The following SLC19A3 variants were observed in gnomAD, a reference collection of about 807,000 sequenced individuals.
SLC19A3 encodes the protein solute carrier family 19 member 3.
A neutral mutation model predicts 40.2 loss-of-function variants in SLC19A3; 31 were observed. The observed-to-expected ratio is 0.77, with a 90% CI of 0.58 to 1.04. The LOEUF (loss-of-function observed/expected upper bound fraction) is 1.04, where lower values mean the gene tolerates loss of function less well. Among genes scored for constraint, SLC19A3 ranks in the 50% least tolerant of loss-of-function variants. The pLI, the probability that SLC19A3 is intolerant of heterozygous loss-of-function variation, is 0.00. For synonymous variants in SLC19A3, 212 were observed against 227.5 expected, an observed-to-expected ratio of 0.93 and a Z score of 0.61; for missense variants, 592 against 596.7, an observed-to-expected ratio of 0.99 and a Z score of 0.08.
rs1695567958 is a variant in SLC19A3, at chr2:227,699,172, G to A, written c.543C>T (p.Ser181=). Residue 181 remains serine (S), a synonymous_variant, in exon 3 of 6, where the codon TCC becomes TCT. Transcript: ENST00000644224. ...YLNVISLASV[S]VAFLFSLFLP... is the part of the protein sequence containing the mutation. ...GGAAAAGTGAGAAAAGGAAAGCCAC[G>A]GAGACAGAGGCCAAGGATATGACGT... The A allele has an allele frequency of 2.5e-6, 4 of 1,614,176 alleles. No individual in the cohort carries two copies. Among genetic ancestry groups the A allele is most frequent in the Non-Finnish European group, 3.4e-6 (4 of 1,180,042 alleles).
intron 1 of SLC19A3, chr2:227,706,422 A>G: frequency 8.1e-7 from 1 of 1,231,020 alleles, no homozygotes; most frequent in Non-Finnish European, 1.0e-6. Flanking sequence ...ACCCATTATT[A>G]TAAGCTCTAT....
Position 227,702,290 on chromosome 2 carries a change from C to T in SLC19A3, c.29G>A (p.Ser10Asn), listed in dbSNP as rs748439898. 3 of 1,614,010 alleles carry T rather than the reference C, an allele frequency of 1.9e-6. No homozygotes were observed. In the South Asian group the frequency reaches 3.3e-5, roughly 18 times the overall value. Residue 10 changes from serine (S) to asparagine (N), a missense_variant, in exon 2 of 6, where the codon AGT (serine) becomes AAT (asparagine). Ser to Asn is a conservative substitution (Grantham distance 46). Transcript: ENST00000644224. ...GATCACAGTGGGGTAAATCCAGGAACTGCTTAGTGAAGTTCTGTAACAATC... is the reference window on the plus strand; with the variant it reads ...GATCACAGTGGGGTAAATCCAGGAATTGCTTAGTGAAGTTCTGTAACAATC... MDCYRTSLS[S>N]SWIYPTVILC...
intron 1 of SLC19A3, chr2:227,706,352 CTG>C (rs1695942350): frequency 1.1e-5 from 13 of 1,231,634 alleles, no homozygotes; most frequent in East Asian, 3.2e-5. Context: ...CCTTCATTTT[CTG>C]TGTGTTCCAA....
At chr2:227,687,613 C>G in intron 5 of SLC19A3, 40 bp from the exon 6 acceptor site, 1 of 1,594,890 alleles carries the variant, frequency 6.3e-7, no homozygotes, top group Non-Finnish European at 8.6e-7. Flanking sequence ...TAAAATATGA[C>G]CATCTATGTC....
chr2:227,702,460 C>A, intron 1 of SLC19A3, 140 bp from the exon 2 acceptor site: 1 of 814,626 alleles, frequency 1.2e-6, no homozygotes, highest in Non-Finnish European at 1.9e-6. Context: ...GTGGCATGAT[C>A]TCAGCCCATT....
At chr2:227,689,544 C>A (rs1029329979) in intron 4 of SLC19A3, among the ~76,000 whole-genome samples, 5 of 152,246 alleles carry the variant, frequency 3.3e-5, no homozygotes, top group South Asian at 2.1e-4. Flanking sequence ...TAAAGACCAT[C>A]CCAGACAAAT....
chr2:227,707,191 C>T (rs1695976819), intron 1 of SLC19A3, among the ~76,000 whole-genome samples: 1 of 152,236 alleles, frequency 6.6e-6, no homozygotes, highest in South Asian at 2.1e-4. Context: ...ATCCAGCCAA[C>T]ATCTTTGACT....
intron 1 of SLC19A3, chr2:227,706,250 C>T (rs551883219): frequency 1.5e-5 from 18 of 1,175,902 alleles, no homozygotes; most frequent in Middle Eastern, 3.2e-4. Context: ...GTGCTCTAAA[C>T]GTCCCTTTGC....
chr2:227,698,798 T>C lies in SLC19A3; in HGVS notation c.917A>G (p.Lys306Arg), dbSNP rs1453716517. The C allele has an allele frequency of 5.6e-6, 9 of 1,614,110 alleles. No homozygotes were observed. The highest frequency in any genetic ancestry group is 7.6e-6 in the Non-Finnish European group (9 of 1,180,056). The part of the protein sequence containing the change: ...LNYVQILWDY[K>R]APSQDSSIYN... ...GATGGAAGAATCTTGGGATGGCGCC[T>C]TGTAATCCCACAGGATTTGAACATA... The change falls in exon 3 of 6, where the codon AAG becomes AGG. Residue 306 changes from lysine (K) to arginine (R), a missense_variant. Coordinates refer to ENST00000644224, the MANE Select transcript of SLC19A3 (RefSeq NM_025243.4).
chr2:227,702,170 T>G lies in SLC19A3; in HGVS notation c.149A>C (p.Glu50Ala), dbSNP rs749364879. ...SGPDKNLTSAEITNEIFPVWT... is the reference protein window; with the variant it reads ...SGPDKNLTSAAITNEIFPVWT... The stretch of plus-strand genomic sequence containing the variant: ...AGATATGTATGTATGTTAACTTACC[T>G]CTGCACTGGTCAGGTTTTTATCTGG... Residue 50 changes from glutamate to alanine, a missense_variant and splice_region_variant, in exon 2 of 6, where the codon GAG (glutamate) becomes GCG (alanine). Physicochemically the swap from Glu to Ala is moderately radical, Grantham distance 107 (BLOSUM62 -1). Coordinates refer to ENST00000644224, the MANE Select transcript of SLC19A3 (RefSeq NM_025243.4). 1.2e-6 allele frequency: 2 copies of G among 1,613,010 alleles called. No homozygotes were observed. The highest frequency in any genetic ancestry group is 3.3e-5 in the Admixed American group (2 of 59,986).
chr2:227,707,285 G>A (rs564371238), intron 1 of SLC19A3, among the ~76,000 whole-genome samples: 5 of 152,312 alleles, frequency 3.3e-5, no homozygotes, highest in Admixed American at 1.3e-4. Flanking sequence ...TTTGCTGGTA[G>A]AAAAATAATT....
At position 227,694,196 on chromosome 2, in the gene SLC19A3, G is replaced by A. The variant is rs1307592995; in HGVS notation, c.1172+1693C>T. On this transcript the variant is annotated intron_variant, in intron 4 of 5. Coordinates refer to ENST00000644224, the MANE Select transcript of SLC19A3 (RefSeq NM_025243.4). ...TAATTTTTGTATTTTTAGTAGATAC[G>A]GGGTTTAATCATATTGGCCAGGCTG... Among the ~76,000 whole-genome samples, 10 of 152,202 alleles carry A rather than the reference G, an allele frequency of 6.6e-5. No individual in the cohort carries two copies. The East Asian group carries it at 1.2e-3, about 18-fold the overall frequency.
At position 227,703,672 on chromosome 2, in the gene SLC19A3, G is replaced by C. The variant is rs189724043; in HGVS notation, c.-2-1352C>G. ...GCTGCTGGGTTTGCTGGTGCTTTCT[G>C]TCTTCGTTGTTAATGATCTTATAGA... On this transcript the variant is annotated intron_variant, in intron 1 of 5. Coordinates refer to ENST00000644224, the MANE Select transcript of SLC19A3 (RefSeq NM_025243.4). The surrounding 1 kb of genome is among the most constrained non-coding windows in gnomAD (Gnocchi z 4.7). Among the ~76,000 whole-genome samples, 21 of 152,264 alleles carry C rather than the reference G, an allele frequency of 1.4e-4. No individual in the cohort carries two copies. Among genetic ancestry groups the C allele is most frequent in the Admixed American group, 3.3e-4 (5 of 15,280 alleles).
chr2:227,687,152 G>A lies in SLC19A3; in HGVS notation c.*245C>T. ...AACCAGAATTTTCCAGCTGCTACTA[G>A]TCACAGGGGGTCCCCAATATGGGTT... On this transcript the variant is annotated 3_prime_UTR_variant, in exon 6 of 6. Transcript: ENST00000644224. The A allele has an allele frequency of 2.5e-6, 1 of 400,338 alleles. No individual in the cohort carries two copies. The allele number at this position is 400,338 out of a possible 1,614,324, so 24.8% of individuals were successfully genotyped here. A position where few individuals can be genotyped will look rare whatever the true frequency, so the allele number is the denominator to read the frequency against.
At chr2:227,698,598 C>A in intron 3 of SLC19A3, 138 bp downstream of exon 3, 2 of 826,518 alleles carry the variant, frequency 2.4e-6, no homozygotes, top group South Asian at 1.4e-5. Context: ...CATGCCCGGC[C>A]GTGACTTTCA....
intron 1 of SLC19A3, chr2:227,702,661 CAT>C: frequency 3.2e-6 from 1 of 313,892 alleles, no homozygotes; most frequent in South Asian, 3.0e-5. Context: ...AAGCTTTAGA[CAT>C]AAAGCCCAAT....
intron 1 of SLC19A3, among the ~76,000 whole-genome samples, chr2:227,704,582 T>C (rs919948924): frequency 1.3e-5 from 2 of 152,114 alleles, no homozygotes; most frequent in Non-Finnish European, 2.9e-5. Context: ...AGTTTCCTAA[T>C]TCCAAGTTCA....
chr2:227,704,165 A>AAAAGAG lies in SLC19A3; in HGVS notation c.-2-1851_-2-1846dup, dbSNP rs548697113. 2.6e-3 allele frequency among the ~76,000 whole-genome samples: 395 copies of AAAAGAG among 152,302 alleles called. 5 individuals carry two copies. Among genetic ancestry groups the AAAAGAG allele is most frequent in the East Asian group, 0.02 (102 of 5,176 alleles). Reference sequence around the variant, plus strand: ...GTCTACTTGAAGAAGGGTAAGGGTGAAAAGAGAGAAGTGTCAGGAACAGGC... The same window carrying AAAAGAG: ...GTCTACTTGAAGAAGGGTAAGGGTGAAAAGAGAAAGAGAGAAGTGTCAGGAACAGGC... On this transcript the variant is annotated intron_variant, in intron 1 of 5. Transcript: ENST00000644224.
Position 227,686,039 on chromosome 2 carries a change from A to G in SLC19A3, c.*1358T>C. 3.1e-6 allele frequency: 1 copy of G among 323,604 alleles called. No individual in the cohort carries two copies. Among genetic ancestry groups the G allele is most frequent in the Middle Eastern group, 1.0e-3 (1 of 986 alleles). 20.0% of individuals were successfully genotyped at this position (323,604 alleles called of 1,614,324 possible). ...TTGTGAAACCCCATCTCCACTAAAAATACAAAAATTAGCCAGGCGTGGTGG... is the reference window on the plus strand; with the variant it reads ...TTGTGAAACCCCATCTCCACTAAAAGTACAAAAATTAGCCAGGCGTGGTGG... On this transcript the variant is annotated 3_prime_UTR_variant, in exon 6 of 6. Coordinates refer to ENST00000644224, the MANE Select transcript of SLC19A3 (RefSeq NM_025243.4).
Sources: allele counts gnomAD v4.1 joint callset (sites outside exome capture counted in the v4.1 genomes callset), GRCh38; gene constraint gnomAD v4.1.1; non-coding constraint Gnocchi (gnomAD v3.1); transcripts MANE v1.5; gene names NCBI Gene and HGNC (gene_info 2026-07-23, HGNC 2026-07-21).